The following OXR1 variants were observed in gnomAD, a reference collection of about 807,000 sequenced individuals.
OXR1 encodes the protein oxidation resistance protein 1.
A neutral mutation model predicts 104.6 loss-of-function variants in OXR1; 41 were observed. The observed-to-expected ratio is 0.39, with a 90% CI of 0.31 to 0.51. The LOEUF (loss-of-function observed/expected upper bound fraction) is 0.51. Ranked by LOEUF, OXR1 falls within the 20% of genes least tolerant of loss-of-function variation. The pLI is 0.77. For missense variants in OXR1, 955 were observed against 1,031.9 expected, an observed-to-expected ratio of 0.93 and a Z score of 1.02; for synonymous variants, 348 against 348.4, an observed-to-expected ratio of 1.00 and a Z score of 0.01.
At chr8:106,339,522 ATATATATAT>A (rs1563726112) in intron 1 of OXR1, among the ~76,000 whole-genome samples, 413 of 19,194 alleles carry the variant, frequency 0.022, 28 homozygotes, top group African/African-American at 0.027. Context: ...AAAAAAAAAT[ATATATATAT>A]ATATATATAT....
intron 3 of OXR1, among the ~76,000 whole-genome samples, chr8:106,661,108 G>T (rs1299299316): frequency 6.6e-6 from 1 of 151,998 alleles, no homozygotes; most frequent in East Asian, 1.9e-4. Flanking sequence ...AACCTGGGAG[G>T]TGGAAGTTGC....
At chr8:106,454,431 A>G (rs1820489589) in intron 2 of OXR1, among the ~76,000 whole-genome samples, 1 of 150,906 alleles carries the variant, frequency 6.6e-6, no homozygotes, top group African/African-American at 2.4e-5. Flanking sequence ...ACTGCACTCC[A>G]GCCTGGGAGA....
chr8:106,491,614 AG>A (rs1412076976), intron 2 of OXR1, among the ~76,000 whole-genome samples: 22 of 152,192 alleles, frequency 1.4e-4, no homozygotes, highest in Non-Finnish European at 8.8e-5. Context: ...TGTGAAAGCA[AG>A]CAGTGGCTAG....
intron 3 of OXR1, among the ~76,000 whole-genome samples, chr8:106,619,331 TATC>T (rs1292965973): frequency 1.3e-5 from 2 of 152,206 alleles, no homozygotes; most frequent in Non-Finnish European, 2.9e-5. Context: ...AATTATTTCA[TATC>T]ATAAGACAAT....
intron 2 of OXR1, among the ~76,000 whole-genome samples, chr8:106,405,821 C>T (rs998425839): frequency 1.3e-5 from 2 of 151,834 alleles, no homozygotes; most frequent in South Asian, 2.1e-4. Context: ...TGAGTTCAGC[C>T]GAAATTGTTT....
At chr8:106,379,383 T>A (rs948396677) in intron 2 of OXR1, among the ~76,000 whole-genome samples, 1 of 152,156 alleles carries the variant, frequency 6.6e-6, no homozygotes, top group Non-Finnish European at 1.5e-5. Flanking sequence ...TTTAAAGTTG[T>A]TTTTTGACAA....
chr8:106,454,697 C>T (rs978142165), intron 2 of OXR1, among the ~76,000 whole-genome samples: 1 of 152,002 alleles, frequency 6.6e-6, no homozygotes, highest in African/African-American at 2.4e-5. Flanking sequence ...TTCGTGGAAT[C>T]AATATATGGT....
At chr8:106,702,845 C>A in intron 7 of OXR1, 61 bp from the exon 8 acceptor site, 2 of 1,243,786 alleles carry the variant, frequency 1.6e-6, no homozygotes, top group South Asian at 1.5e-5. Flanking sequence ...GTAAAAATAG[C>A]TAGATAATTT....
chr8:106,377,700 C>A (rs928836795), intron 2 of OXR1, among the ~76,000 whole-genome samples: 1 of 151,992 alleles, frequency 6.6e-6, no homozygotes, highest in African/African-American at 2.4e-5. Flanking sequence ...TTTTAAGCAG[C>A]GAATGCTATT....
At chr8:106,274,172 A>G (rs1811931843) in intron 1 of OXR1, among the ~76,000 whole-genome samples, 1 of 152,198 alleles carries the variant, frequency 6.6e-6, no homozygotes. Flanking sequence ...TTTAATTTCC[A>G]TTTGAAATCG....
intron 2 of OXR1, among the ~76,000 whole-genome samples, chr8:106,428,537 C>G (rs1247956258): frequency 2.0e-5 from 3 of 151,650 alleles, no homozygotes; most frequent in Admixed American, 1.3e-4. Context: ...TTTACCATAG[C>G]AGACATTTGG....
At chr8:106,639,977 A>G (rs1352274586) in intron 3 of OXR1, among the ~76,000 whole-genome samples, 1 of 152,176 alleles carries the variant, frequency 6.6e-6, no homozygotes, top group Non-Finnish European at 1.5e-5. Flanking sequence ...AAGTATATCA[A>G]ATCTTGTAAC....
intron 2 of OXR1, among the ~76,000 whole-genome samples, chr8:106,501,788 C>T (rs1246790679): frequency 6.6e-6 from 1 of 152,108 alleles, no homozygotes; most frequent in Admixed American, 6.5e-5. Context: ...TTTTTCTCCA[C>T]ATGGAGGTTA....
At chr8:106,744,298 C>G (rs1380885206) in intron 15 of OXR1, among the ~76,000 whole-genome samples, 2 of 152,192 alleles carry the variant, frequency 1.3e-5, no homozygotes, top group South Asian at 2.1e-4. Flanking sequence ...CTATCTTTGC[C>G]TTTTACTCCC....
chr8:106,306,414 C>T (rs1264342628), intron 1 of OXR1, among the ~76,000 whole-genome samples: 1 of 151,824 alleles, frequency 6.6e-6, no homozygotes, highest in Admixed American at 6.6e-5. Context: ...AGCCAGCTCC[C>T]TATTAAAATA....
At chr8:106,684,120 T>G in intron 5 of OXR1, 126 bp from the exon 6 acceptor site, 1 of 572,264 alleles carries the variant, frequency 1.7e-6, no homozygotes, top group Non-Finnish European at 3.1e-6. Flanking sequence ...TTTATATTCT[T>G]ATAATTTGAA....
chr8:106,530,823 GTACAATA>G (rs1814040269), intron 3 of OXR1, among the ~76,000 whole-genome samples: 2 of 151,924 alleles, frequency 1.3e-5, no homozygotes, highest in South Asian at 4.2e-4. Context: ...CTTTGTGTTA[GTACAATA>G]TGAAAAAAAA....
At chr8:106,357,220 A>G (rs932291706) in intron 1 of OXR1, among the ~76,000 whole-genome samples, 73 of 146,782 alleles carry the variant, frequency 5.0e-4, no homozygotes, top group African/African-American at 6.4e-4. Flanking sequence ...GTGTGTGTGT[A>G]TATATATGCT....
chr8:106,366,842 G>A (rs1462204075), intron 2 of OXR1, among the ~76,000 whole-genome samples: 4 of 151,432 alleles, frequency 2.6e-5, no homozygotes, highest in African/African-American at 9.7e-5. Context: ...TCAAGTTTAG[G>A]GGAGCATAAA....
Sources: gnomAD v4.1 joint callset for allele counts (sites outside exome capture counted in the v4.1 genomes callset) on GRCh38, gnomAD v4.1.1 for gene constraint, MANE v1.5 for transcripts, NCBI Gene and HGNC (gene_info 2026-07-23, HGNC 2026-07-21) for gene names.